FAT3: variants seen among roughly 807,000 people sequenced by gnomAD.
FAT3 encodes the protein protocadherin Fat 3.
In FAT3, 95 loss-of-function variants were observed where a neutral mutation model predicts 310.2. That is an observed-to-expected ratio of 0.31 (90% confidence interval 0.26 to 0.36). The LOEUF is 0.36. Among genes scored for constraint, FAT3 ranks in the 10% least tolerant of loss-of-function variants. The probability of loss-of-function intolerance (pLI) is 1.00; values close to 1 mark genes in which losing one functional copy is unlikely to be tolerated. For missense variants in FAT3, 5,408 were observed against 5,715.6 expected, an observed-to-expected ratio of 0.95 and a Z score of 1.74; for synonymous variants, 2,314 against 2,192.9, an observed-to-expected ratio of 1.06 and a Z score of -1.54.
chr11:92,739,295 T>G (rs1219810851), intron 4 of FAT3, among the ~76,000 whole-genome samples: 2 of 151,960 alleles, frequency 1.3e-5, no homozygotes, highest in African/African-American at 4.8e-5. Flanking sequence ...AATCTTTTTG[T>G]TTTTTGTAAT....
At chr11:92,474,339 C>A (rs1467418950) in intron 2 of FAT3, among the ~76,000 whole-genome samples, 1 of 151,978 alleles carries the variant, frequency 6.6e-6, no homozygotes, top group Non-Finnish European at 1.5e-5. Flanking sequence ...TGTTGCCTGG[C>A]CTGAAAAGAG....
chr11:92,288,872 G>A (rs559831509), intron 1 of FAT3, among the ~76,000 whole-genome samples: 47 of 152,206 alleles, frequency 3.1e-4, no homozygotes, highest in Non-Finnish European at 3.4e-4. Context: ...ACACTTGGTT[G>A]GTTCTTTGGT....
At position 92,886,907 on chromosome 11, in the gene FAT3, G is replaced by A. The variant is rs764433096; in HGVS notation, c.12938-93G>A. 45 of 986,304 alleles carry A rather than the reference G, an allele frequency of 4.6e-5. 1 individual carries two copies. Among genetic ancestry groups the A allele is most frequent in the East Asian group, 4.2e-4 (16 of 37,922 alleles). 61.1% of individuals were successfully genotyped at this position (986,304 alleles called of 1,614,324 possible). On this transcript the variant is annotated intron_variant, in intron 24 of 27. Transcript: ENST00000525166. ...TTCTCTAAGCAAATGAAAGTGCCTC[G>A]AGAAGTGAACTAGCTGAGAGGGGTG...
chr11:92,515,286 A>G (rs1016277858), intron 2 of FAT3, among the ~76,000 whole-genome samples: 1 of 152,140 alleles, frequency 6.6e-6, no homozygotes, highest in Non-Finnish European at 1.5e-5. Context: ...TATTCTGCCT[A>G]TCTTTATAAA....
chr11:92,587,677 T>C lies in FAT3; in HGVS notation c.3607+62729T>C, dbSNP rs182305593. ...GCTGTACCATGGTGTCTTGAGAACA[T>C]AGAATTTCTCATCCTCAGGGTGGTT... On this transcript the variant is annotated intron_variant, in intron 3 of 27. Coordinates refer to ENST00000525166, the MANE Select transcript of FAT3 (RefSeq NM_001367949.2). 2.8e-3 allele frequency among the ~76,000 whole-genome samples: 433 copies of C among 152,088 alleles called. 2 individuals carry two copies. Among genetic ancestry groups the C allele is most frequent in the African/African-American group, 1.0e-2 (414 of 41,544 alleles).
chr11:92,291,610 A>G lies in FAT3; in HGVS notation c.-17-60486A>G, dbSNP rs143112809. 7.5e-4 allele frequency among the ~76,000 whole-genome samples: 113 copies of G among 150,826 alleles called. 1 individual carries two copies. The highest frequency in any genetic ancestry group is 2.5e-3 in the African/African-American group (104 of 41,458). ...ACGAAGAGAGTTGGTCTAAATACAC[A>G]TTGTATTCTAGTGGCCAAAAGTTAT... On this transcript the variant is annotated intron_variant, in intron 1 of 27. Coordinates refer to ENST00000525166, the MANE Select transcript of FAT3 (RefSeq NM_001367949.2).
At chr11:92,544,260 A>G (rs659869) in intron 3 of FAT3, among the ~76,000 whole-genome samples, 61,515 of 151,986 alleles carry the variant, frequency 0.4, 12,913 homozygotes, top group Middle Eastern at 0.54. Flanking sequence ...ATGGTTACAA[A>G]TATGCACTTA....
At chr11:92,230,716 C>T (rs930883960) in intron 1 of FAT3, among the ~76,000 whole-genome samples, 2 of 152,192 alleles carry the variant, frequency 1.3e-5, no homozygotes, top group Admixed American at 1.3e-4. Context: ...ATTGCTTCTG[C>T]TTCGTGCTGT....
At chr11:92,564,603 C>T (rs1955361529) in intron 3 of FAT3, among the ~76,000 whole-genome samples, 1 of 152,094 alleles carries the variant, frequency 6.6e-6, no homozygotes. Context: ...AGCACCACAC[C>T]ACACCTATTC....
intron 3 of FAT3, among the ~76,000 whole-genome samples, chr11:92,589,826 G>C (rs1939339048): frequency 6.6e-6 from 1 of 152,012 alleles, no homozygotes; most frequent in South Asian, 2.1e-4. Context: ...ATCAAGCACT[G>C]TTTGTCATAA....
At chr11:92,488,994 C>T in intron 2 of FAT3, among the ~76,000 whole-genome samples, 1 of 152,140 alleles carries the variant, frequency 6.6e-6, no homozygotes, top group Non-Finnish European at 1.5e-5. Context: ...TAGTAGCTTA[C>T]TCCATCCACC....
At chr11:92,247,106 G>A (rs989699599) in intron 1 of FAT3, among the ~76,000 whole-genome samples, 1 of 152,186 alleles carries the variant, frequency 6.6e-6, no homozygotes, top group African/African-American at 2.4e-5. Flanking sequence ...CAGCGACGTG[G>A]CAGTTCCAAG....
At chr11:92,508,131 A>G (rs1017918469) in intron 2 of FAT3, among the ~76,000 whole-genome samples, 2 of 152,078 alleles carry the variant, frequency 1.3e-5, no homozygotes, top group East Asian at 1.9e-4. Flanking sequence ...TAAGACCCCA[A>G]TCTGTCTTCC....
intron 1 of FAT3, among the ~76,000 whole-genome samples, chr11:92,269,205 A>G (rs1372523323): frequency 6.6e-6 from 1 of 150,414 alleles, no homozygotes; most frequent in Admixed American, 6.6e-5. Flanking sequence ...TATGACTCGC[A>G]ATGTTGACAG....
At chr11:92,796,895 A>G (rs1947190212) in intron 9 of FAT3, among the ~76,000 whole-genome samples, 1 of 152,180 alleles carries the variant, frequency 6.6e-6, no homozygotes, top group Non-Finnish European at 1.5e-5. Context: ...AAACTACTAC[A>G]GTGTCATGGC....
In FAT3 at chr11:92,442,664, ACT is replaced by A. The variant is rs1951103125; in HGVS notation, c.3293-81967_3293-81966del. ...TGACTTGTGCAGGTCCGGCTTCATC[ACT>A]CTGTTTATCTGCCTGAATTGAATGT... On this transcript the variant is annotated intron_variant, in intron 2 of 27. Coordinates refer to ENST00000525166, the MANE Select transcript of FAT3 (RefSeq NM_001367949.2). 2.0e-5 allele frequency among the ~76,000 whole-genome samples: 3 copies of A among 152,036 alleles called. No individual in the cohort carries two copies. In the South Asian group the frequency reaches 6.2e-4, roughly 32 times the overall value.
At chr11:92,329,268 C>A (rs1183152290) in intron 1 of FAT3, among the ~76,000 whole-genome samples, 1 of 151,960 alleles carries the variant, frequency 6.6e-6, no homozygotes, top group Non-Finnish European at 1.5e-5. Flanking sequence ...GTGGGTCCTT[C>A]TTGAAAAGAT....
Position 92,306,011 on chromosome 11 carries a change from G to A in FAT3, c.-17-46085G>A, listed in dbSNP as rs577271349. Among the ~76,000 whole-genome samples the A allele has an allele frequency of 5.3e-5, 8 of 151,970 alleles. No individual in the cohort carries two copies. The South Asian group carries it at 1.7e-3, about 32-fold the overall frequency. The stretch of plus-strand genomic sequence containing the variant: ...TAATATCTGGAAAAGCTGAGTAAAG[G>A]GTATGTGGAAACTCTTTGAACAAAT... On this transcript the variant is annotated intron_variant, in intron 1 of 27. Transcript: ENST00000525166.
chr11:92,877,880 T>C (rs1357492639), intron 22 of FAT3, among the ~76,000 whole-genome samples: 1 of 152,170 alleles, frequency 6.6e-6, no homozygotes, highest in Non-Finnish European at 1.5e-5. Flanking sequence ...AAGTTGGAAA[T>C]ACCTTAAGTA....
Sources: gnomAD v4.1 joint callset for allele counts (sites outside exome capture counted in the v4.1 genomes callset) on GRCh38, gnomAD v4.1.1 for gene constraint, MANE v1.5 for transcripts, NCBI Gene and HGNC (gene_info 2026-07-23, HGNC 2026-07-21) for gene names.